Variants in CRMP1 observed in about 807,000 individuals in gnomAD.
CRMP1 encodes the protein dihydropyrimidinase-related protein 1.
CRMP1 carries 19 observed loss-of-function variants against 68.3 expected under a neutral mutation model. The ratio of observed to expected loss-of-function variants is 0.28; its 90% confidence interval spans 0.19 to 0.41. The LOEUF (loss-of-function observed/expected upper bound fraction) is 0.41, where lower values mean the gene tolerates loss of function less well. Among genes scored for constraint, CRMP1 ranks in the 10% least tolerant of loss-of-function variants. The pLI, the probability that CRMP1 is intolerant of heterozygous loss-of-function variation, is 1.00. For missense variants in CRMP1, 791 were observed against 967.4 expected (o/e 0.82, Z 2.42); for synonymous variants, 439 against 399.6 (o/e 1.10, Z -1.18).
chr4:5,876,827 C>T (rs1714874334), intron 1 of CRMP1, among the ~76,000 whole-genome samples: 1 of 151,588 alleles, frequency 6.6e-6, no homozygotes, highest in Non-Finnish European at 1.5e-5. Flanking sequence ...TAAAAATTCC[C>T]ATCGGGGCTT....
rs761630158 is a variant in CRMP1 at position 5,836,916 on chromosome 4, A to C, written c.1311-10T>G. The C allele has an allele frequency of 3.1e-6, 5 of 1,605,302 alleles. No homozygotes were observed. Among genetic ancestry groups the C allele is most frequent in the Non-Finnish European group, 4.3e-6 (5 of 1,175,446 alleles). On this transcript the variant is annotated splice_polypyrimidine_tract_variant and intron_variant, in intron 9 of 13. Transcript: ENST00000324989. The stretch of plus-strand genomic sequence containing the variant: ...GACCTGCAAGTCCCCACTGGCAAGG[A>C]CAAAACAAGGTAGAGTTCAGACCCT...
chr4:5,848,692 T>G (rs1477596413), intron 6 of CRMP1, among the ~76,000 whole-genome samples: 1 of 152,260 alleles, frequency 6.6e-6, no homozygotes, highest in Non-Finnish European at 1.5e-5. Flanking sequence ...AAAATAAGTG[T>G]ATTTCCCATG....
Position 5,834,297 on chromosome 4 carries a change from C to G in CRMP1, c.1623+1618G>C, listed in dbSNP as rs140411385. Among the ~76,000 whole-genome samples the G allele has an allele frequency of 2.0e-5, 3 of 152,280 alleles. 1 individual carries two copies. The highest frequency in any genetic ancestry group is 4.4e-5 in the Non-Finnish European group (3 of 68,030). On this transcript the variant is annotated intron_variant, in intron 11 of 13. Coordinates refer to ENST00000324989, the MANE Select transcript of CRMP1 (RefSeq NM_001014809.3). The surrounding 1 kb of genome is among the most constrained non-coding windows in gnomAD (Gnocchi z 4.3). ...TTGCAATGGTATTAAGATGTGAGAC[C>G]ATTAAGAGCTGATTAGGTCATGAAG... is the stretch of plus-strand genomic sequence containing the variant.
intron 1 of CRMP1, among the ~76,000 whole-genome samples, chr4:5,871,112 C>T (rs1714405354): frequency 6.6e-6 from 1 of 152,118 alleles, no homozygotes; most frequent in African/African-American, 2.4e-5. Context: ...TCCCCAACTA[C>T]CAATAGACAC....
rs1325628509 is a variant in CRMP1, at chr4:5,853,545, A to G, written c.821-2076T>C. Among the ~76,000 whole-genome samples, 3 of 152,178 alleles carry G rather than the reference A, an allele frequency of 2.0e-5. No homozygotes were observed. The highest frequency in any genetic ancestry group is 7.2e-5 in the African/African-American group (3 of 41,440). The stretch of plus-strand genomic sequence containing the variant: ...GGGAACAGTACGGAGGCTCCTCACA[A>G]AACTAAGAACTGAATTACCATATGC... On this transcript the variant is annotated intron_variant, in intron 4 of 13. Coordinates refer to ENST00000324989, the MANE Select transcript of CRMP1 (RefSeq NM_001014809.3). The surrounding 1 kb of genome is among the most constrained non-coding windows in gnomAD (Gnocchi z 4.7).
rs111561746 is a variant in CRMP1, at chr4:5,851,083, G to C, written c.882+325C>G. Among the ~76,000 whole-genome samples, 1,081 of 152,276 alleles carry C rather than the reference G, an allele frequency of 7.1e-3. 15 individuals are homozygous for C. The highest frequency in any genetic ancestry group is 0.024 in the African/African-American group (1,003 of 41,540). ...AACGCAGAGCTTTCGGGAAGTACAGGCTCCTGAGTCCAACACCCAACATCT... is the reference window on the plus strand; with the variant it reads ...AACGCAGAGCTTTCGGGAAGTACAGCCTCCTGAGTCCAACACCCAACATCT... On this transcript the variant is annotated intron_variant, in intron 5 of 13. Coordinates refer to ENST00000324989, the MANE Select transcript of CRMP1 (RefSeq NM_001014809.3).
At position 5,841,532 on chromosome 4, in the gene CRMP1, C is replaced by A; in HGVS notation, c.1033-104G>T. 6.5e-7 allele frequency: 1 copy of A among 1,549,512 alleles called. No homozygotes were observed. The highest frequency in any genetic ancestry group is 1.2e-5 in the South Asian group (1 of 81,306). ...ATGTGATCAGAAGGGAAATCTGCTC[C>A]ATTGAATGAGAAGGACATACTGAGT... On this transcript the variant is annotated intron_variant, in intron 7 of 13. Transcript: ENST00000324989. This position sits in a 1 kb window ranked among gnomAD's most constrained non-coding sequence, Gnocchi z 6.9.
chr4:5,845,170 C>G (rs954275982), intron 6 of CRMP1, among the ~76,000 whole-genome samples: 1 of 152,208 alleles, frequency 6.6e-6, no homozygotes, highest in Non-Finnish European at 1.5e-5. Context: ...GCAGCAACTT[C>G]TAAGATGACT....
At chr4:5,887,187 G>A (rs889519546) in intron 1 of CRMP1, among the ~76,000 whole-genome samples, 3 of 152,256 alleles carry the variant, frequency 2.0e-5, no homozygotes, top group African/African-American at 7.2e-5. Flanking sequence ...ACACGGGACA[G>A]GCCACTGGCA....
intron 1 of CRMP1, among the ~76,000 whole-genome samples, chr4:5,886,909 A>G (rs1173583444): frequency 6.6e-6 from 1 of 152,248 alleles, no homozygotes; most frequent in Admixed American, 6.5e-5. Flanking sequence ...GAGACGGAGA[A>G]GAGGTGGTGC....
At chr4:5,882,862 G>A (rs552756179) in intron 1 of CRMP1, among the ~76,000 whole-genome samples, 4 of 152,266 alleles carry the variant, frequency 2.6e-5, no homozygotes, top group Non-Finnish European at 5.9e-5. Context: ...AAAGGAATCC[G>A]AGGCCCAGGG....
Position 5,890,080 on chromosome 4 carries a change from C to G in CRMP1, c.381+2509G>C. The G allele has an allele frequency of 2.8e-6, 1 of 363,550 alleles. No individual in the cohort carries two copies. The highest frequency in any genetic ancestry group is 4.1e-6 in the Non-Finnish European group (1 of 244,070). 22.5% of individuals were successfully genotyped at this position (363,550 alleles called of 1,614,324 possible). Reference sequence around the variant, plus strand: ...GCATTCATGCATCCCTGGCTCTCAGCGGGGCCTAAAATCCCTGTCAATGAC... The same window carrying G: ...GCATTCATGCATCCCTGGCTCTCAGGGGGGCCTAAAATCCCTGTCAATGAC... On this transcript the variant is annotated intron_variant, in intron 1 of 13. Transcript: ENST00000324989. The surrounding 1 kb of genome is among the most constrained non-coding windows in gnomAD (Gnocchi z 5.5).
intron 11 of CRMP1, 98 bp downstream of exon 11, chr4:5,835,817 C>T: frequency 7.7e-7 from 1 of 1,299,350 alleles, no homozygotes; most frequent in Non-Finnish European, 1.0e-6. Flanking sequence ...CAGATCACAT[C>T]CTAGTTGGAA....
intron 12 of CRMP1, 140 bp downstream of exon 12, chr4:5,828,349 A>C: frequency 1.4e-6 from 2 of 1,433,776 alleles, no homozygotes; most frequent in Non-Finnish European, 1.8e-6. Context: ...CCAGCGTCTC[A>C]ACCCATTTAA....
rs148593249 is a variant in CRMP1, at chr4:5,883,655, G to GACACACACACACACACAC, written c.381+8916_381+8933dup. Among the ~76,000 whole-genome samples, 508 of 149,678 alleles carry GACACACACACACACACAC rather than the reference G, an allele frequency of 3.4e-3. No homozygotes were observed. The highest frequency in any genetic ancestry group is 0.011 in the African/African-American group (467 of 40,740). ...AGATGGCAAGATAATTAAGGTCAGGGACACACACACACACACACACACACA... is the reference window on the plus strand; with the variant it reads ...AGATGGCAAGATAATTAAGGTCAGGGACACACACACACACACACACACACACACACACACACACACACA... On this transcript the variant is annotated intron_variant, in intron 1 of 13. Transcript: ENST00000324989. The surrounding 1 kb of genome is among the most constrained non-coding windows in gnomAD (Gnocchi z 4.5).
chr4:5,836,093 C>T lies in CRMP1; in HGVS notation c.1453-8G>A, dbSNP rs749611978. On this transcript the variant is annotated splice_polypyrimidine_tract_variant and splice_region_variant and intron_variant, in intron 10 of 13. Transcript: ENST00000324989. ...ATCCATTTTGCCAGTAGCCTACAGG[C>T]AAGACCCACAGATGAGAAGAGCATC... 6.7e-7 allele frequency: 1 copy of T among 1,488,736 alleles called. No homozygotes were observed. The highest frequency in any genetic ancestry group is 1.5e-5 in the South Asian group (1 of 66,870). The allele number at this position is 1,488,736 out of a possible 1,614,324, so 92.2% of individuals were successfully genotyped here. A position where few individuals can be genotyped will look rare whatever the true frequency, so the allele number is the denominator to read the frequency against.
At chr4:5,836,715 G>A in intron 10 of CRMP1, 50 bp downstream of exon 10, 2 of 1,613,540 alleles carry the variant, frequency 1.2e-6, no homozygotes, top group South Asian at 1.1e-5. Context: ...GGCTTTCACA[G>A]GGCAGGTAGA....
rs1716023047 is a variant in CRMP1, at chr4:5,893,014, C to A, written c.-45G>T. 1 of 1,125,488 alleles carries A rather than the reference C, an allele frequency of 8.9e-7. No individual in the cohort carries two copies. The highest frequency in any genetic ancestry group is 1.1e-6 in the Non-Finnish European group (1 of 918,528). The allele number at this position is 1,125,488 out of a possible 1,614,324, so 69.7% of individuals were successfully genotyped here. ...CCCACCGCGCTCCCGCCTGCCCGCC[C>A]GCGGCCCTGGGCACCGCCGTGCGCC... On this transcript the variant is annotated 5_prime_UTR_variant, in exon 1 of 14. Coordinates refer to ENST00000324989, the MANE Select transcript of CRMP1 (RefSeq NM_001014809.3).
rs1711743326 is a variant in CRMP1, at chr4:5,841,720, G to C, written c.1033-292C>G. 6.6e-6 allele frequency among the ~76,000 whole-genome samples: 1 copy of C among 152,160 alleles called. No homozygotes were observed. The highest frequency in any genetic ancestry group is 2.4e-5 in the African/African-American group (1 of 41,436). ...GAACATACAGCTCGTGGCCATCCCTGGGCTGTGGAGCTCATGAAGAGCACT... is the reference window on the plus strand; with the variant it reads ...GAACATACAGCTCGTGGCCATCCCTCGGCTGTGGAGCTCATGAAGAGCACT... On this transcript the variant is annotated intron_variant, in intron 7 of 13. Coordinates refer to ENST00000324989, the MANE Select transcript of CRMP1 (RefSeq NM_001014809.3). This position sits in a 1 kb window ranked among gnomAD's most constrained non-coding sequence, Gnocchi z 6.9.
Sources: allele counts gnomAD v4.1 joint callset (sites outside exome capture counted in the v4.1 genomes callset), GRCh38; gene constraint gnomAD v4.1.1; non-coding constraint Gnocchi (gnomAD v3.1); transcripts MANE v1.5; gene names NCBI Gene and HGNC (gene_info 2026-07-23, HGNC 2026-07-21).